SYT1: variants seen among roughly 807,000 people sequenced by gnomAD.
The protein encoded by SYT1 is synaptotagmin 1.
In SYT1, 8 loss-of-function variants were observed where a neutral mutation model predicts 44.8. The ratio of observed to expected loss-of-function variants is 0.18; its 90% CI spans 0.10 to 0.32. The LOEUF is 0.32. SYT1 is among the 10% of genes least tolerant of loss of function. The pLI is 1.00. For synonymous variants in SYT1, 154 were observed against 188.8 expected (o/e 0.82, Z 1.51); for missense variants, 286 against 509.3 (o/e 0.56, Z 4.22).
At chr12:78,993,055 T>C (rs1400029205) in intron 2 of SYT1, among the ~76,000 whole-genome samples, 1 of 152,214 alleles carries the variant, frequency 6.6e-6, no homozygotes, top group Non-Finnish European at 1.5e-5. Flanking sequence ...AACTGTATGC[T>C]AATAAAATCC....
At chr12:78,970,237 A>G (rs17046157) in intron 1 of SYT1, among the ~76,000 whole-genome samples, 10,985 of 152,256 alleles carry the variant, frequency 0.072, 443 homozygotes, top group African/African-American at 0.1. Flanking sequence ...AGACATTGTT[A>G]TTTGTATTTG....
intron 1 of SYT1, among the ~76,000 whole-genome samples, chr12:78,922,640 A>G (rs1877072559): frequency 6.6e-6 from 1 of 151,916 alleles, no homozygotes; most frequent in Non-Finnish European, 1.5e-5. Context: ...AGAGACCTTA[A>G]AAGGCATCAA....
intron 1 of SYT1, among the ~76,000 whole-genome samples, chr12:78,956,449 G>T (rs1256690181): frequency 1.3e-5 from 2 of 151,750 alleles, no homozygotes; most frequent in African/African-American, 4.8e-5. Context: ...TGTCTTGATG[G>T]TTAACTGAGT....
intron 2 of SYT1, among the ~76,000 whole-genome samples, chr12:79,000,670 A>AG (rs2137528325): frequency 6.6e-6 from 1 of 152,292 alleles, no homozygotes; most frequent in African/African-American, 2.4e-5. Flanking sequence ...TTGTCTGTAT[A>AG]GTTGAAGCTG....
intron 3 of SYT1, among the ~76,000 whole-genome samples, chr12:79,163,855 A>G (rs770739154): frequency 3.8e-4 from 58 of 152,038 alleles, no homozygotes; most frequent in Non-Finnish European, 6.6e-4. Flanking sequence ...TTTTAAATCA[A>G]GGGGAGTATT....
chr12:78,899,289 G>T (rs1875530608), intron 1 of SYT1, among the ~76,000 whole-genome samples: 1 of 151,446 alleles, frequency 6.6e-6, no homozygotes, highest in Admixed American at 6.6e-5. Context: ...TGACAGTTAA[G>T]AGTGCAATGT....
In SYT1 at chr12:79,200,143, C is replaced by T. The variant is rs148159282; in HGVS notation, c.-17-17360C>T. ...GTGAAGGACATAAAATTCTGTGCAA[C>T]AAGAAAGTACCTTAACAAATCAGAA... On this transcript the variant is annotated intron_variant, in intron 3 of 10. Transcript: ENST00000261205. 4.5e-3 allele frequency among the ~76,000 whole-genome samples: 685 copies of T among 152,100 alleles called. 6 individuals carry two copies. The highest frequency in any genetic ancestry group is 0.016 in the African/African-American group (647 of 41,498).
chr12:79,003,364 C>G (rs530682668), intron 2 of SYT1, among the ~76,000 whole-genome samples: 36 of 152,054 alleles, frequency 2.4e-4, no homozygotes, highest in African/African-American at 8.7e-4. Flanking sequence ...TTCTAGTGTA[C>G]CTGCCTTCCT....
At chr12:79,240,580 G>T (rs1876446146) in intron 4 of SYT1, among the ~76,000 whole-genome samples, 2 of 152,132 alleles carry the variant, frequency 1.3e-5, no homozygotes, top group South Asian at 4.1e-4. Context: ...ATATCAACAG[G>T]TTCAGGAATG....
chr12:79,044,782 A>G (rs1407185490), intron 2 of SYT1, among the ~76,000 whole-genome samples: 2 of 148,418 alleles, frequency 1.3e-5, no homozygotes, highest in African/African-American at 5.0e-5. Flanking sequence ...GTCTTTGATG[A>G]TGGTGATGTA....
intron 1 of SYT1, among the ~76,000 whole-genome samples, chr12:78,884,496 A>G (rs995174056): frequency 6.6e-6 from 1 of 151,654 alleles, no homozygotes; most frequent in Non-Finnish European, 1.5e-5. Flanking sequence ...GATCATGTCT[A>G]AAGATTTTTG....
At chr12:79,122,382 C>T (rs868292517) in intron 3 of SYT1, among the ~76,000 whole-genome samples, 1 of 149,696 alleles carries the variant, frequency 6.7e-6, no homozygotes, top group East Asian at 2.0e-4. Context: ...GGCGTGGTAG[C>T]GGGCGCCTGT....
intron 3 of SYT1, among the ~76,000 whole-genome samples, chr12:79,160,839 A>G (rs1870904303): frequency 6.6e-6 from 1 of 152,176 alleles, no homozygotes; most frequent in East Asian, 1.9e-4. Context: ...AAAGGTTTCA[A>G]GCATAGAACC....
intron 9 of SYT1, among the ~76,000 whole-genome samples, chr12:79,390,299 C>T (rs1296165661): frequency 1.3e-5 from 2 of 152,116 alleles, no homozygotes; most frequent in East Asian, 1.9e-4. Flanking sequence ...TTTGCCAAAT[C>T]ATTTATTTAT....
In SYT1 at chr12:79,013,093, C is replaced by T. The variant is rs191813928; in HGVS notation, c.-83-34204C>T. Among the ~76,000 whole-genome samples, 70 of 152,144 alleles carry T rather than the reference C, an allele frequency of 4.6e-4. 1 individual carries two copies. The highest frequency in any genetic ancestry group is 9.2e-4 in the Admixed American group (14 of 15,256). On this transcript the variant is annotated intron_variant, in intron 2 of 10. Transcript: ENST00000261205. Reference sequence around the variant, plus strand: ...AGGAGTCACTTACCAAAGAAGCCTACCTTGATTCCCCATCAAGGTCAGTTA... The same window carrying T: ...AGGAGTCACTTACCAAAGAAGCCTATCTTGATTCCCCATCAAGGTCAGTTA...
intron 9 of SYT1, among the ~76,000 whole-genome samples, chr12:79,442,090 C>T (rs1418753685): frequency 6.6e-6 from 1 of 152,172 alleles, no homozygotes; most frequent in Non-Finnish European, 1.5e-5. Flanking sequence ...AATCAAGATA[C>T]TCAGAGTGCT....
Position 79,293,395 on chromosome 12 carries a change from TAAAA to T in SYT1, c.474+1266_474+1269del, listed in dbSNP as rs1565894649. On this transcript the variant is annotated intron_variant, in intron 6 of 10. Transcript: ENST00000261205. ...TAAAATAAAATAAAATAAAATAAAATAAAATAAAATAAAATTAAAAAATCTGTAA... is the reference window on the plus strand; with the variant it reads ...TAAAATAAAATAAAATAAAATAAAATTAAAATAAAATTAAAAAATCTGTAA... 4.0e-3 allele frequency among the ~76,000 whole-genome samples: 225 copies of T among 55,736 alleles called. 7 individuals are homozygous for T. In the East Asian group the frequency reaches 0.097, roughly 24 times the overall value. 36.6% of individuals were successfully genotyped at this position (55,736 alleles called of 152,430 possible). A position where few individuals can be genotyped will look rare whatever the true frequency, so the allele number is the denominator to read the frequency against.
At chr12:79,438,197 G>A (rs11114117) in intron 9 of SYT1, among the ~76,000 whole-genome samples, 15,457 of 152,118 alleles carry the variant, frequency 0.1, 1,103 homozygotes, top group Non-Finnish European at 0.16. Flanking sequence ...GGAACAGTAA[G>A]GAAACAGAGG....
chr12:79,198,880 G>T lies in SYT1; in HGVS notation c.-17-18623G>T, dbSNP rs188228023. Among the ~76,000 whole-genome samples the T allele has an allele frequency of 3.9e-5, 6 of 152,204 alleles. No homozygotes were observed. In the East Asian group the frequency reaches 9.7e-4, roughly 25 times the overall value. Reference sequence around the variant, plus strand: ...TCTTTCAATCTGGTTGATAATAGCAGGAGACTAAGGCCTACTTTATATATT... The same window carrying T: ...TCTTTCAATCTGGTTGATAATAGCATGAGACTAAGGCCTACTTTATATATT... On this transcript the variant is annotated intron_variant, in intron 3 of 10. Coordinates refer to ENST00000261205, the MANE Select transcript of SYT1 (RefSeq NM_005639.3).
Sources: gnomAD v4.1 joint callset for allele counts (sites outside exome capture counted in the v4.1 genomes callset) on GRCh38, gnomAD v4.1.1 for gene constraint, MANE v1.5 for transcripts, NCBI Gene and HGNC (gene_info 2026-07-23, HGNC 2026-07-21) for gene names.